SEMA6C: variants seen among roughly 807,000 people sequenced by gnomAD.
SEMA6C encodes the protein semaphorin 6C, also known as semaphorin-6C.
SEMA6C carries 37 observed loss-of-function variants against 72.9 expected under a neutral mutation model. The observed-to-expected ratio is 0.51, with a 90% CI of 0.39 to 0.67. The LOEUF is 0.67. Among genes scored for constraint, SEMA6C ranks in the 30% least tolerant of loss-of-function variants. The pLI is 0.00. For missense variants in SEMA6C, 1,189 were observed against 1,263.6 expected (o/e 0.94, Z 0.89); for synonymous variants, 578 against 554.1 (o/e 1.04, Z -0.61).
rs199644598 is a variant in SEMA6C at position 151,135,722 on chromosome 1, G to C, written c.1302C>G (p.Pro434=). ...GGAACATGACTGTGATGTTACTGTG[G>C]GGACCAGCCATGCCATCCACAGCTA... ...TQVAVDGMAG[P]HSNITVMFLG... The change falls in exon 14 of 19, where the codon CCC becomes CCG. Residue 434 remains proline (P), a synonymous_variant. Transcript: ENST00000368914. 40 of 1,614,190 alleles carry C rather than the reference G, an allele frequency of 2.5e-5. 1 individual carries two copies. In the East Asian group the frequency reaches 5.6e-4, roughly 22 times the overall value.
chr1:151,137,149 T>G (rs1411678063), intron 10 of SEMA6C, 75 bp from the exon 11 acceptor site: 2 of 1,390,000 alleles, frequency 1.4e-6, no homozygotes, highest in East Asian at 4.6e-5. Flanking sequence ...GTGTGGTGAG[T>G]TAAGAGCAGT....
At position 151,137,997 on chromosome 1, in the gene SEMA6C, T is replaced by C. The variant is rs951142515; in HGVS notation, c.656A>G (p.Lys219Arg). The change falls in exon 9 of 19, where the codon AAG becomes AGG. Residue 219 changes from lysine to arginine, a missense_variant. Lys to Arg is a conservative substitution (Grantham distance 26). This residue lies in a region of SEMA6C where 468 missense variants were observed against 577.4 expected (regional missense o/e 0.81). Transcript: ENST00000368914. Reference sequence around the variant, plus strand: ...AGGCCCGCCCTGACCTCGGAGCCACTTGGAGTCATACTTGGCGGAGCGGAG... The same window carrying C: ...AGGCCCGCCCTGACCTCGGAGCCACCTGGAGTCATACTTGGCGGAGCGGAG... ...PPLRSAKYDS[K>R]WLREPHFVQA... The C allele has an allele frequency of 1.9e-6, 3 of 1,613,994 alleles. No individual in the cohort carries two copies. Among genetic ancestry groups the C allele is most frequent in the Non-Finnish European group, 2.5e-6 (3 of 1,179,944 alleles).
chr1:151,133,094 G>A lies in SEMA6C; in HGVS notation c.2183C>T (p.Ala728Val), dbSNP rs1268394831. ...CCGTGAGCGGCCCGGACCCTCCTTG[G>A]CGTTGTTCCTGTTCTGGTTCCACTC... ...PWEWNQNRNN[A>V]KEGPGRSRGG... The change falls in exon 19 of 19, where the codon GCC (alanine) becomes GTC (valine). Residue 728 changes from alanine to valine, a missense_variant. Ala to Val is a moderately conservative substitution (Grantham distance 64). Around this residue, in one of 2 missense-constraint regions of SEMA6C, gnomAD observed 721 missense variants for 686.2 expected, o/e 1.05. Coordinates refer to ENST00000368914, the MANE Select transcript of SEMA6C (RefSeq NM_030913.6). The surrounding 1 kb of genome is among the most constrained non-coding windows in gnomAD (Gnocchi z 5.9). The A allele has an allele frequency of 3.2e-6, 5 of 1,559,382 alleles. No individual in the cohort carries two copies. Among genetic ancestry groups the A allele is most frequent in the Non-Finnish European group, 3.4e-6 (4 of 1,164,546 alleles).
chr1:151,135,481 C>T, intron 14 of SEMA6C, 110 bp downstream of exon 14: 1 of 1,464,158 alleles, frequency 6.8e-7, no homozygotes, highest in Middle Eastern at 2.0e-4. Context: ...GCCCAGAGCT[C>T]CCACCCTGCA....
Position 151,136,050 on chromosome 1 carries a change from G to A in SEMA6C, c.1220C>T (p.Pro407Leu), listed in dbSNP as rs1003933130. ...KAHPLLDPAV[P>L]PVTHQPLLTL... ...GAGTAGAGGCTGATGGGTGACAGGT[G>A]GTACAGCGGGGTCCAGCAGCGGGTG... Residue 407 changes from proline to leucine, a missense_variant, in exon 13 of 19, where the codon CCA becomes CTA. Around this residue, in one of 2 missense-constraint regions of SEMA6C, gnomAD observed 468 missense variants for 577.4 expected, o/e 0.81. Coordinates refer to ENST00000368914, the MANE Select transcript of SEMA6C (RefSeq NM_030913.6). 2 of 1,614,134 alleles carry A rather than the reference G, an allele frequency of 1.2e-6. No individual in the cohort carries two copies. The highest frequency in any genetic ancestry group is 1.7e-5 in the Admixed American group (1 of 60,012).
Position 151,136,034 on chromosome 1 carries a change from C to G in SEMA6C, c.1236G>C (p.Gln412His). ...ACCTGCTAGTGAGAGTGAGTAGAGG[C>G]TGATGGGTGACAGGTGGTACAGCGG... is the stretch of plus-strand genomic sequence containing the variant. ...LDPAVPPVTH[Q>H]PLLTLTSRAL... Residue 412 changes from glutamine (Q) to histidine (H), a missense_variant, in exon 13 of 19, where the codon CAG becomes CAC. Physicochemically the swap from Gln to His is conservative, Grantham distance 24 (BLOSUM62 0). This residue lies in a region of SEMA6C where 468 missense variants were observed against 577.4 expected (regional missense o/e 0.81). Transcript: ENST00000368914. 1 of 1,614,134 alleles carries G rather than the reference C, an allele frequency of 6.2e-7. No homozygotes were observed. The highest frequency in any genetic ancestry group is 1.1e-5 in the South Asian group (1 of 91,076).
chr1:151,139,143 T>A (rs1211047280), intron 6 of SEMA6C, among the ~76,000 whole-genome samples: 1 of 151,262 alleles, frequency 6.6e-6, no homozygotes, highest in African/African-American at 2.4e-5. Flanking sequence ...GGGCTACTCC[T>A]CTGGAGCCCA....
In SEMA6C at chr1:151,133,452, T is replaced by C. The variant is rs996707236; in HGVS notation, c.1825A>G (p.Ser609Gly). 20 of 1,565,172 alleles carry C rather than the reference T, an allele frequency of 1.3e-5. No individual in the cohort carries two copies. Among genetic ancestry groups the C allele is most frequent in the Non-Finnish European group, 1.6e-5 (18 of 1,160,540 alleles). ...CCCAGGGCAAAAGCTGCGGCCACAC[T>C]GGCCAGGAGGAGTGGGATGGGGACG... ...RSVPIPLLLA[S>G]VAAAFALGAS... Residue 609 changes from serine (S) to glycine (G), a missense_variant, in exon 19 of 19, where the codon AGT becomes GGT. Around this residue, in one of 2 missense-constraint regions of SEMA6C, gnomAD observed 721 missense variants for 686.2 expected, o/e 1.05. Transcript: ENST00000368914. This position sits in a 1 kb window ranked among gnomAD's most constrained non-coding sequence, Gnocchi z 5.9.
At chr1:151,138,494 C>T (rs1311861270) in intron 7 of SEMA6C, 88 bp from the exon 8 acceptor site, 5 of 1,443,104 alleles carry the variant, frequency 3.5e-6, no homozygotes, top group Non-Finnish European at 3.8e-6. Context: ...GTTGCCTCCT[C>T]CCCAACCCCT....
At position 151,136,077 on chromosome 1, in the gene SEMA6C, G is replaced by A. The variant is rs1209260940; in HGVS notation, c.1193C>T (p.Ala398Val). 1.2e-6 allele frequency: 2 copies of A among 1,614,050 alleles called. No individual in the cohort carries two copies. The highest frequency in any genetic ancestry group is 2.7e-5 in the African/African-American group (2 of 74,896). ...TACAGCGGGGTCCAGCAGCGGGTGA[G>A]CCTTGATGAAGGTCAGGACATCATC... ...LPDDVLTFIKAHPLLDPAVPP... is the reference protein window; with the variant it reads ...LPDDVLTFIKVHPLLDPAVPP... Residue 398 changes from alanine (A) to valine (V), a missense_variant, in exon 13 of 19, where the codon GCT (alanine) becomes GTT (valine). This residue lies in a region of SEMA6C where 468 missense variants were observed against 577.4 expected (regional missense o/e 0.81). Coordinates refer to ENST00000368914, the MANE Select transcript of SEMA6C (RefSeq NM_030913.6).
intron 2 of SEMA6C, among the ~76,000 whole-genome samples, chr1:151,143,276 C>T (rs56090305): frequency 0.15 from 22,154 of 152,206 alleles, 1,632 homozygotes; most frequent in African/African-American, 0.17. Flanking sequence ...CCCTTCCCAC[C>T]GCTAGGGAAG....
Position 151,138,729 on chromosome 1 carries a change from A to G in SEMA6C, c.357T>C (p.Asp119=), listed in dbSNP as rs1181480806. The G allele has an allele frequency of 4.3e-6, 7 of 1,613,226 alleles. 1 individual carries two copies. Among genetic ancestry groups the G allele is most frequent in the East Asian group, 4.5e-5 (2 of 44,888 alleles). Residue 119 remains aspartate (D), a splice_region_variant and synonymous_variant, in exon 7 of 19, where the codon GAT becomes GAC. Transcript: ENST00000368914. The part of the protein sequence containing the change: ...ENCAVRGKLT[D]ECYNYIRVLV... ...GAACACGAATATAGTTGTAGCACTC[A>G]TCCTAGAGAACCCAAAATTCTAGGT... is the stretch of plus-strand genomic sequence containing the variant.
In SEMA6C at chr1:151,142,610, G is replaced by A; in HGVS notation, c.12C>T (p.Ala4=). The A allele has an allele frequency of 6.3e-7, 1 of 1,585,686 alleles. No homozygotes were observed. Among genetic ancestry groups the A allele is most frequent in the East Asian group, 2.3e-5 (1 of 44,080 alleles). ...GTAGCAGCAAGGGCATGAAGTGGGG[G>A]GCACGGGGCATCCTGTGCGGGGCAG... The part of the protein sequence containing the change: MPR[A]PHFMPLLLLL... The change falls in exon 3 of 19, where the codon GCC becomes GCT. Residue 4 remains alanine (A), a synonymous_variant. Transcript: ENST00000368914.
At position 151,140,993 on chromosome 1, in the gene SEMA6C, G is replaced by T. The variant is rs1367485321; in HGVS notation, c.119-903C>A. Among the ~76,000 whole-genome samples the T allele has an allele frequency of 5.1e-5, 4 of 78,438 alleles. No individual in the cohort carries two copies. In the East Asian group the frequency reaches 1.9e-3, roughly 38 times the overall value. The allele number at this position is 78,438 out of a possible 152,430, so 51.5% of individuals were successfully genotyped here. On this transcript the variant is annotated intron_variant, in intron 3 of 18. Coordinates refer to ENST00000368914, the MANE Select transcript of SEMA6C (RefSeq NM_030913.6). ...AGCCTGGGCAACAGTGCAAGACTCCGTCTCGAAAAAAAAAAAAATTCATAA... is the reference window on the plus strand; with the variant it reads ...AGCCTGGGCAACAGTGCAAGACTCCTTCTCGAAAAAAAAAAAAATTCATAA...
chr1:151,140,967 T>C (rs190805765), intron 3 of SEMA6C, among the ~76,000 whole-genome samples: 2,461 of 149,888 alleles, frequency 0.016, 33 homozygotes, highest in Admixed American at 0.031. Context: ...CACTGCACTC[T>C]AGCCTGGGCA....
chr1:151,132,791 G>A lies in SEMA6C; in HGVS notation c.2486C>T (p.Ala829Val). The change falls in exon 19 of 19, where the codon GCC becomes GTC. Residue 829 changes from alanine (A) to valine (V), a missense_variant. By Grantham distance (64) the Ala-to-Val change is moderately conservative. Coordinates refer to ENST00000368914, the MANE Select transcript of SEMA6C (RefSeq NM_030913.6). ...RLDVPPEGRC[A>V]SAPARPALSA... Reference sequence around the variant, plus strand: ...GAGCGCGGGCCGGGCGGGGGCAGAGGCGCACCTGCCCTCGGGGGGCACGTC... The same window carrying A: ...GAGCGCGGGCCGGGCGGGGGCAGAGACGCACCTGCCCTCGGGGGGCACGTC... The A allele has an allele frequency of 7.4e-7, 1 of 1,352,550 alleles. No homozygotes were observed. Among genetic ancestry groups the A allele is most frequent in the Non-Finnish European group, 9.6e-7 (1 of 1,046,832 alleles). The allele number at this position is 1,352,550 out of a possible 1,614,324, so 83.8% of individuals were successfully genotyped here.
In SEMA6C at chr1:151,142,496, G is replaced by T. The variant is rs1234403651; in HGVS notation, c.118+8C>A. ...AGAGATGGGGCAAGGTAGGTACTGG[G>T]CACTCACCTTGAAGGTCAGAGATCA... is the stretch of plus-strand genomic sequence containing the variant. On this transcript the variant is annotated splice_region_variant and intron_variant, in intron 3 of 18. Transcript: ENST00000368914. 6 of 1,613,214 alleles carry T rather than the reference G, an allele frequency of 3.7e-6. No homozygotes were observed. The highest frequency in any genetic ancestry group is 1.6e-4 in the Middle Eastern group (1 of 6,080).
chr1:151,132,230 G>A lies in SEMA6C; in HGVS notation c.*254C>T. 4 of 1,510,630 alleles carry A rather than the reference G, an allele frequency of 2.6e-6. No individual in the cohort carries two copies. Among genetic ancestry groups the A allele is most frequent in the Non-Finnish European group, 3.5e-6 (4 of 1,131,240 alleles). 93.6% of individuals were successfully genotyped at this position (1,510,630 alleles called of 1,614,324 possible). On this transcript the variant is annotated 3_prime_UTR_variant, in exon 19 of 19. Coordinates refer to ENST00000368914, the MANE Select transcript of SEMA6C (RefSeq NM_030913.6). Reference sequence around the variant, plus strand: ...GCTTGGCTGGAAGGGAGCGGGGAGTGGGAGTCCGCCAGCTCCCCCTGAAAT... The same window carrying A: ...GCTTGGCTGGAAGGGAGCGGGGAGTAGGAGTCCGCCAGCTCCCCCTGAAAT...
Position 151,133,034 on chromosome 1 carries a change from A to T in SEMA6C, c.2243T>A (p.Val748Glu), listed in dbSNP as rs1183077502. The T allele has an allele frequency of 1.0e-5, 14 of 1,393,122 alleles. No homozygotes were observed. The highest frequency in any genetic ancestry group is 2.3e-4 in the Middle Eastern group (1 of 4,404). 86.3% of individuals were successfully genotyped at this position (1,393,122 alleles called of 1,614,324 possible). A position where few individuals can be genotyped will look rare whatever the true frequency, so the allele number is the denominator to read the frequency against. Reference sequence around the variant, plus strand: ...GCCGGGCGGCGGTGGCCTCACCAGCACGCGGGGCGCGGGCCCGCCCGCCGC... The same window carrying T: ...GCCGGGCGGCGGTGGCCTCACCAGCTCGCGGGGCGCGGGCCCGCCCGCCGC... ...GHAAGGPAPR[V>E]LVRPPPPGCP... The change falls in exon 19 of 19, where the codon GTG becomes GAG. Residue 748 changes from valine to glutamate, a missense_variant. Coordinates refer to ENST00000368914, the MANE Select transcript of SEMA6C (RefSeq NM_030913.6). This position sits in a 1 kb window ranked among gnomAD's most constrained non-coding sequence, Gnocchi z 5.9.
Sources: allele counts gnomAD v4.1 joint callset (sites outside exome capture counted in the v4.1 genomes callset), GRCh38; gene constraint gnomAD v4.1.1; regional missense constraint gnomAD v4.1.1; non-coding constraint Gnocchi (gnomAD v3.1); transcripts MANE v1.5; gene names NCBI Gene and HGNC (gene_info 2026-07-23, HGNC 2026-07-21).